PCDHA6: variants seen among roughly 807,000 people sequenced by gnomAD.
The protein encoded by PCDHA6 is protocadherin alpha-6.
In PCDHA6, 55 loss-of-function variants were observed where a neutral mutation model predicts 60.3. The ratio of observed to expected loss-of-function variants is 0.91; its 90% CI spans 0.73 to 1.14. The LOEUF is 1.14. Ranked by LOEUF, PCDHA6 falls within the 50% of genes most tolerant of loss-of-function variation. The pLI, the probability that PCDHA6 is intolerant of heterozygous loss-of-function variation, is 0.00. For missense variants in PCDHA6, 1,327 were observed against 1,256.5 expected (o/e 1.06, Z -0.85); for synonymous variants, 652 against 557.9 (o/e 1.17, Z -2.38).
At position 140,834,165 on chromosome 5, in the gene PCDHA6, C is replaced by CT. The variant is rs2150213929; in HGVS notation, c.2394+3682dup. 4.2e-4 allele frequency: 228 copies of CT among 543,158 alleles called. No individual in the cohort carries two copies. In the Middle Eastern group the frequency reaches 4.3e-3, roughly 10 times the overall value. 33.6% of individuals were successfully genotyped at this position (543,158 alleles called of 1,614,324 possible). On this transcript the variant is annotated intron_variant, in intron 1 of 3. Coordinates refer to ENST00000529310, the MANE Select transcript of PCDHA6 (RefSeq NM_018909.4). ...AGTTTGTAATGGTTTGTAATTCTTA[C>CT]TTACATGATGGCCACATGATGTCGC...
chr5:140,958,775 A>C (rs1179723793), intron 1 of PCDHA6, among the ~76,000 whole-genome samples: 1 of 152,170 alleles, frequency 6.6e-6, no homozygotes, highest in African/African-American at 2.4e-5. Flanking sequence ...GTTTGAAATC[A>C]ACTTTCTATT....
chr5:140,843,104 C>A (rs1327692669), intron 1 of PCDHA6: 3 of 1,595,712 alleles, frequency 1.9e-6, no homozygotes, highest in Non-Finnish European at 1.7e-6. Context: ...AGCGAAGGTG[C>A]GCGCAGTGGA....
chr5:140,843,221 A>C (rs2150355439), intron 1 of PCDHA6: 1 of 1,595,692 alleles, frequency 6.3e-7, no homozygotes, highest in Non-Finnish European at 8.6e-7. Flanking sequence ...GATCAGCACC[A>C]CTCGTGTCCT....
intron 1 of PCDHA6, among the ~76,000 whole-genome samples, chr5:140,964,816 T>A (rs79964853): frequency 0.016 from 2,494 of 151,960 alleles, 68 homozygotes; most frequent in African/African-American, 0.056. Context: ...CAGGAATAGA[T>A]TTTGATGAAA....
chr5:140,856,604 G>C lies in PCDHA6; in HGVS notation c.2394+26119G>C, dbSNP rs200468399. 1,451 of 1,597,840 alleles carry C rather than the reference G, an allele frequency of 9.1e-4. 118 individuals are homozygous for C. Among genetic ancestry groups the C allele is most frequent in the Non-Finnish European group, 8.3e-4 (967 of 1,167,426 alleles). ...TGTTCTTGATATTATAAACAAAAAA[G>C]ACAAAGACAAATTCCCAGTGCTTGT... On this transcript the variant is annotated intron_variant, in intron 1 of 3. Coordinates refer to ENST00000529310, the MANE Select transcript of PCDHA6 (RefSeq NM_018909.4).
chr5:140,932,346 A>C (rs529573484), intron 1 of PCDHA6, among the ~76,000 whole-genome samples: 1 of 151,954 alleles, frequency 6.6e-6, no homozygotes, highest in African/African-American at 2.4e-5. Context: ...AACACTTACC[A>C]TACAACTGGC....
intron 1 of PCDHA6, chr5:140,884,206 C>A: frequency 6.2e-7 from 1 of 1,613,542 alleles, no homozygotes; most frequent in Admixed American, 1.7e-5. Flanking sequence ...CGCACCACCG[C>A]CTTCTGGTGC....
At chr5:140,917,518 C>T (rs1159309425) in intron 1 of PCDHA6, among the ~76,000 whole-genome samples, 3 of 152,198 alleles carry the variant, frequency 2.0e-5, no homozygotes, top group Non-Finnish European at 4.4e-5. Context: ...AGGTTTTATT[C>T]TACGGTTTGT....
At chr5:140,894,947 A>G (rs1257936552) in intron 1 of PCDHA6, among the ~76,000 whole-genome samples, 1 of 152,178 alleles carries the variant, frequency 6.6e-6, no homozygotes, top group Non-Finnish European at 1.5e-5. Flanking sequence ...TTGTCATGAA[A>G]TGATAAAAAT....
chr5:140,969,238 A>G, intron 1 of PCDHA6: 3 of 1,614,222 alleles, frequency 1.9e-6, no homozygotes, highest in South Asian at 1.1e-5. Flanking sequence ...GAGCCCAAGC[A>G]GCAGTGACTG....
rs2095730579 is a variant in PCDHA6 at position 140,963,035 on chromosome 5, T to C, written c.2395-15914T>C. Among the ~76,000 whole-genome samples, 3 of 152,330 alleles carry C rather than the reference T, an allele frequency of 2.0e-5. No individual in the cohort carries two copies. The South Asian group carries it at 6.2e-4, about 32-fold the overall frequency. On this transcript the variant is annotated intron_variant, in intron 1 of 3. Transcript: ENST00000529310. ...AAGAAAATGAAGCAATTAACATTTA[T>C]TGAGAGTCTATAAGGGTTTCTACAT...
Position 140,830,476 on chromosome 5 carries a change from TG to T in PCDHA6, c.2386del (p.Asp796MetfsTer17), listed in dbSNP as rs2150187075. The T allele has an allele frequency of 6.4e-7, 1 of 1,551,430 alleles. No homozygotes were observed. Among genetic ancestry groups the T allele is most frequent in the South Asian group, 1.2e-5 (1 of 80,916 alleles). The stretch of plus-strand genomic sequence containing the variant: ...AGAATCAGGATTTAAATGAAGATCA[TG>T]ATGCCAAAGTAAGTGAATTTTCATA... ...AENQDLNEDHDAKPRQPNPDW... is the reference protein window; with the variant it reads ...AENQDLNEDHXAKPRQPNPDW... On this transcript the variant is annotated frameshift_variant, in exon 1 of 4. Coordinates refer to ENST00000529310, the MANE Select transcript of PCDHA6 (RefSeq NM_018909.4). LOFTEE classifies it high-confidence loss of function.
intron 1 of PCDHA6, chr5:140,927,289 A>G: frequency 6.2e-7 from 1 of 1,614,172 alleles, no homozygotes; most frequent in Non-Finnish European, 8.5e-7. Flanking sequence ...GCAGCTGCAC[A>G]TCCCCGAGTT....
chr5:140,869,348 G>A (rs782687742), intron 1 of PCDHA6: 1 of 1,614,066 alleles, frequency 6.2e-7, no homozygotes, highest in South Asian at 1.1e-5. Context: ...CTGCAGAATG[G>A]CATTTTGTTT....
At chr5:140,862,559 A>C in intron 1 of PCDHA6, 1 of 470,052 alleles carries the variant, frequency 2.1e-6, no homozygotes, top group Non-Finnish European at 4.3e-6. Context: ...CGAACAGTGA[A>C]CCACAATGCC....
At chr5:140,875,536 G>A (rs2055577552) in intron 1 of PCDHA6, 2 of 1,614,130 alleles carry the variant, frequency 1.2e-6, no homozygotes, top group Non-Finnish European at 1.7e-6. Flanking sequence ...TCTGCTCCTT[G>A]CAGCCTGGGA....
In PCDHA6 at chr5:140,851,765, C is replaced by T; in HGVS notation, c.2394+21280C>T. Reference sequence around the variant, plus strand: ...AGAGTCTGTAACTTAAAACATTACCCTTATGAATTTAGATGAGAATTCACT... The same window carrying T: ...AGAGTCTGTAACTTAAAACATTACCTTTATGAATTTAGATGAGAATTCACT... On this transcript the variant is annotated intron_variant, in intron 1 of 3. Transcript: ENST00000529310. 12 of 970,186 alleles carry T rather than the reference C, an allele frequency of 1.2e-5. 1 individual carries two copies. The highest frequency in any genetic ancestry group is 1.4e-5 in the Non-Finnish European group (11 of 802,992). The allele number at this position is 970,186 out of a possible 1,614,324, so 60.1% of individuals were successfully genotyped here. A position where few individuals can be genotyped will look rare whatever the true frequency, so the allele number is the denominator to read the frequency against.
chr5:140,869,511 A>G, intron 1 of PCDHA6: 1 of 1,614,194 alleles, frequency 6.2e-7, no homozygotes, highest in Non-Finnish European at 8.5e-7. Context: ...TCTCGCTCAG[A>G]GAACAAAAGC....
intron 1 of PCDHA6, chr5:140,968,302 G>C (rs2096236958): frequency 6.2e-7 from 1 of 1,613,812 alleles, no homozygotes; most frequent in African/African-American, 1.3e-5. Context: ...TGGAGAGGGA[G>C]ATTCAAGGGC....
Sources: gnomAD v4.1 joint callset for allele counts (sites outside exome capture counted in the v4.1 genomes callset) on GRCh38, gnomAD v4.1.1 for gene constraint, MANE v1.5 for transcripts, NCBI Gene and HGNC (gene_info 2026-07-23, HGNC 2026-07-21) for gene names.